SHISA9: variants seen among roughly 807,000 people sequenced by gnomAD.
SHISA9 encodes the protein shisa family member 9.
A neutral mutation model predicts 38.0 loss-of-function variants in SHISA9; 13 were observed. That is an observed-to-expected ratio of 0.34 (90% CI 0.22 to 0.54). The LOEUF (loss-of-function observed/expected upper bound fraction) is 0.54. Ranked by LOEUF, SHISA9 falls within the 20% of genes least tolerant of loss-of-function variation. The pLI is 0.91. For missense variants in SHISA9, 538 were observed against 575.8 expected, an observed-to-expected ratio of 0.93 and a Z score of 0.67; for synonymous variants, 275 against 242.0, an observed-to-expected ratio of 1.14 and a Z score of -1.27.
the SHISA9 span, among the ~76,000 whole-genome samples, chr16:13,363,609 C>G: frequency 1.4e-4 from 22 of 152,194 alleles, no homozygotes; most frequent in East Asian, 7.7e-4. Flanking sequence ...ATTTGGAGAA[C>G]TGTAAATGGT....
At chr16:13,290,301 G>A in the SHISA9 span, among the ~76,000 whole-genome samples, 2 of 152,058 alleles carry the variant, frequency 1.3e-5, no homozygotes, top group Non-Finnish European at 2.9e-5. Flanking sequence ...TGTTGGTTTT[G>A]GGAATGAAGA....
chr16:13,497,262 T>G, the SHISA9 span, among the ~76,000 whole-genome samples: 1 of 152,172 alleles, frequency 6.6e-6, no homozygotes, highest in African/African-American at 2.4e-5. Flanking sequence ...ATTGTATATA[T>G]TTATGGGGTA....
chr16:13,178,996 G>T (rs151117191), intron 2 of SHISA9, among the ~76,000 whole-genome samples: 1 of 152,112 alleles, frequency 6.6e-6, no homozygotes, highest in Non-Finnish European at 1.5e-5. Context: ...GATGTCTAAG[G>T]CTTTGAGTAA....
At chr16:13,516,388 A>G in the SHISA9 span, among the ~76,000 whole-genome samples, 1 of 152,330 alleles carries the variant, frequency 6.6e-6, no homozygotes, top group East Asian at 1.9e-4. Context: ...ATTTTTGGAG[A>G]AAACCCCTAC....
the SHISA9 span, among the ~76,000 whole-genome samples, chr16:13,301,538 A>T: frequency 6.6e-6 from 1 of 152,250 alleles, no homozygotes; most frequent in East Asian, 1.9e-4. Flanking sequence ...GAAGATTTTT[A>T]AACTTCTAAT....
rs184540710 is a variant in SHISA9 at position 13,125,374 on chromosome 16, A to C, written c.692-78020A>C. On this transcript the variant is annotated intron_variant, in intron 2 of 4. Transcript: ENST00000558583. ...AATGGGATGAGGTGTCCTGGGTGGA[A>C]GGAGTGTCTCAAATCCTGGTTTCCT... Among the ~76,000 whole-genome samples the C allele has an allele frequency of 2.6e-5, 4 of 152,324 alleles. No individual in the cohort carries two copies. In the East Asian group the frequency reaches 7.7e-4, roughly 29 times the overall value.
chr16:13,561,459 T>TGA, the SHISA9 span, among the ~76,000 whole-genome samples: 2 of 152,128 alleles, frequency 1.3e-5, no homozygotes, highest in Non-Finnish European at 2.9e-5. Flanking sequence ...GCATTCTAAG[T>TGA]GAGAAACAAG....
At chr16:13,069,808 C>A (rs1370043890) in intron 2 of SHISA9, among the ~76,000 whole-genome samples, 1 of 152,118 alleles carries the variant, frequency 6.6e-6, no homozygotes, top group Non-Finnish European at 1.5e-5. Flanking sequence ...TGAATGGGAT[C>A]TGTACCCTTA....
At chr16:12,935,986 A>T (rs958257864) in intron 2 of SHISA9, among the ~76,000 whole-genome samples, 3 of 152,150 alleles carry the variant, frequency 2.0e-5, no homozygotes, top group Non-Finnish European at 4.4e-5. Flanking sequence ...AACTAGCCTT[A>T]CTTGAAGAGA....
At chr16:13,315,076 G>T in the SHISA9 span, among the ~76,000 whole-genome samples, 1 of 113,790 alleles carries the variant, frequency 8.8e-6, no homozygotes, top group Admixed American at 8.1e-5. Flanking sequence ...GTGCACCCTT[G>T]TCAAATAGAA....
the SHISA9 span, among the ~76,000 whole-genome samples, chr16:13,381,031 G>T: frequency 6.6e-6 from 1 of 152,030 alleles, no homozygotes; most frequent in African/African-American, 2.4e-5. Flanking sequence ...AGTATTCCAT[G>T]GTGTATATGT....
At chr16:13,484,243 C>T in the SHISA9 span, among the ~76,000 whole-genome samples, 1 of 152,170 alleles carries the variant, frequency 6.6e-6, no homozygotes, top group Non-Finnish European at 1.5e-5. Flanking sequence ...AGAGGAGAAA[C>T]ATAGTTTGAG....
the SHISA9 span, among the ~76,000 whole-genome samples, chr16:13,387,554 A>G: frequency 6.6e-6 from 1 of 150,716 alleles, no homozygotes; most frequent in Non-Finnish European, 1.5e-5. Flanking sequence ...CAGTGGTGCC[A>G]TCTCAGCTCA....
the SHISA9 span, among the ~76,000 whole-genome samples, chr16:13,443,501 G>A: frequency 6.6e-6 from 1 of 152,156 alleles, no homozygotes; most frequent in African/African-American, 2.4e-5. Context: ...GTAATGCACC[G>A]TGCAAGCCCT....
At chr16:13,222,924 A>G (rs1453598120) in intron 4 of SHISA9, among the ~76,000 whole-genome samples, 1 of 152,146 alleles carries the variant, frequency 6.6e-6, no homozygotes, top group African/African-American at 2.4e-5. Flanking sequence ...CCCTTTGGAT[A>G]CTTGCTATGA....
chr16:13,357,502 C>T, the SHISA9 span, among the ~76,000 whole-genome samples: 13 of 152,088 alleles, frequency 8.5e-5, no homozygotes, highest in African/African-American at 2.2e-4. Context: ...ATCTTTGTCA[C>T]GGAGCAAAGA....
chr16:13,519,021 G>C, the SHISA9 span, among the ~76,000 whole-genome samples: 2 of 152,126 alleles, frequency 1.3e-5, no homozygotes, highest in Non-Finnish European at 1.5e-5. Flanking sequence ...TCCCAGAACT[G>C]TTGCACTAGG....
intron 2 of SHISA9, among the ~76,000 whole-genome samples, chr16:13,172,037 C>G (rs1288187569): frequency 6.6e-6 from 1 of 151,976 alleles, no homozygotes; most frequent in Non-Finnish European, 1.5e-5. Flanking sequence ...TCCTTCCTTC[C>G]CACTTTCTCT....
downstream of SHISA9, among the ~76,000 whole-genome samples, chr16:13,245,165 C>A (rs751313836): frequency 7.9e-5 from 12 of 152,192 alleles, no homozygotes; most frequent in Non-Finnish European, 1.6e-4. Flanking sequence ...AATCTGCCCA[C>A]CTCAGCCTCC....
Sources: allele counts gnomAD v4.1 joint callset (sites outside exome capture counted in the v4.1 genomes callset), GRCh38; gene constraint gnomAD v4.1.1; transcripts MANE v1.5; gene names NCBI Gene and HGNC (gene_info 2026-07-23, HGNC 2026-07-21).